AOX1: variants seen among roughly 807,000 people sequenced by gnomAD.
AOX1 encodes the protein aldehyde oxidase 1, also known as aldehyde oxidase.
In AOX1, 153 loss-of-function variants were observed where a neutral mutation model predicts 169.5. The ratio of observed to expected loss-of-function variants is 0.90; its 90% CI spans 0.79 to 1.03. AOX1 has a LOEUF of 1.03. Among genes scored for constraint, AOX1 ranks in the 50% least tolerant of loss-of-function variants. The pLI is 0.00. For synonymous variants in AOX1, 562 were observed against 581.9 expected, an observed-to-expected ratio of 0.97 and a Z score of 0.49; for missense variants, 1,656 against 1,663.9, an observed-to-expected ratio of 1.00 and a Z score of 0.08.
chr2:200,597,434 T>G lies in AOX1; in HGVS notation c.238T>G (p.Ser80Ala). ...CAATGCCTGTCTGATTCCCATCTGTTCTCTGTATGGTGCTGCCGTCACCAC... is the reference window on the plus strand; with the variant it reads ...CAATGCCTGTCTGATTCCCATCTGTGCTCTGTATGGTGCTGCCGTCACCAC... ...PANACLIPIC[S>A]LYGAAVTTVE... Residue 80 changes from serine to alanine, a missense_variant, in exon 4 of 35, where the codon TCT (serine) becomes GCT (alanine). By Grantham distance (99) the Ser-to-Ala change is moderately conservative. Transcript: ENST00000374700. 6.2e-7 allele frequency: 1 copy of G among 1,611,280 alleles called. No homozygotes were observed. The highest frequency in any genetic ancestry group is 8.5e-7 in the Non-Finnish European group (1 of 1,178,702).
At chr2:200,600,426 TC>T (rs1271162541) in intron 5 of AOX1, among the ~76,000 whole-genome samples, 1 of 152,098 alleles carries the variant, frequency 6.6e-6, no homozygotes, top group Non-Finnish European at 1.5e-5. Flanking sequence ...GAACTGTCTA[TC>T]CACCCTAGAG....
intron 21 of AOX1, 92 bp downstream of exon 21, chr2:200,635,007 G>A: frequency 1.3e-6 from 2 of 1,509,536 alleles, no homozygotes; most frequent in Non-Finnish European, 1.8e-6. Flanking sequence ...GTATATTTGG[G>A]AATTTGAGGT....
intron 27 of AOX1, among the ~76,000 whole-genome samples, chr2:200,657,964 C>T (rs184709761): frequency 6.6e-6 from 1 of 152,272 alleles, no homozygotes; most frequent in East Asian, 1.9e-4. Context: ...CTTTATATAG[C>T]GTGAACACTT....
At position 200,659,786 on chromosome 2, in the gene AOX1, TCACACACACACA is replaced by T. The variant is rs56916091; in HGVS notation, c.3301-181_3301-170del. On this transcript the variant is annotated intron_variant, in intron 28 of 34. Coordinates refer to ENST00000374700, the MANE Select transcript of AOX1 (RefSeq NM_001159.4). Reference sequence around the variant, plus strand: ...TGGCTTACAAGGCCAGTTCTCTCTCTCACACACACACACACACACACACACACACACACACAC... The same window carrying T: ...TGGCTTACAAGGCCAGTTCTCTCTCTCACACACACACACACACACACACAC... Among the ~76,000 whole-genome samples the T allele has an allele frequency of 9.4e-5, 9 of 96,102 alleles. No homozygotes were observed. The South Asian group carries it at 1.0e-3, about 11-fold the overall frequency. 63.0% of individuals were successfully genotyped at this position (96,102 alleles called of 152,430 possible).
At chr2:200,636,340 G>T (rs534608444) in intron 21 of AOX1, among the ~76,000 whole-genome samples, 2 of 152,044 alleles carry the variant, frequency 1.3e-5, no homozygotes, top group Non-Finnish European at 2.9e-5. Flanking sequence ...TGTTGGCCAG[G>T]CTGGTCTCGA....
chr2:200,636,846 T>C, intron 21 of AOX1, 65 bp from the exon 22 acceptor site: 1 of 1,551,996 alleles, frequency 6.4e-7, no homozygotes. Flanking sequence ...GATGTGACAA[T>C]GACAGTCACA....
chr2:200,599,165 TTTTA>T (rs1215575077), intron 4 of AOX1, among the ~76,000 whole-genome samples: 2 of 152,182 alleles, frequency 1.3e-5, no homozygotes, highest in Non-Finnish European at 2.9e-5. Context: ...GCATTTTATT[TTTTA>T]TTTATTTTTT....
At chr2:200,657,387 G>A (rs928591384) in intron 27 of AOX1, among the ~76,000 whole-genome samples, 1 of 151,318 alleles carries the variant, frequency 6.6e-6, no homozygotes, top group South Asian at 2.1e-4. Flanking sequence ...ACAAAGGATA[G>A]GAGATTTGAG....
intron 32 of AOX1, among the ~76,000 whole-genome samples, chr2:200,667,172 G>A (rs182126310): frequency 2.8e-4 from 42 of 152,220 alleles, no homozygotes; most frequent in Admixed American, 2.7e-3. Flanking sequence ...CTGTAGTGCT[G>A]GATTCCACCC....
At chr2:200,681,132 G>A (rs1322323055), downstream of AOX1, among the ~76,000 whole-genome samples, 1 of 152,204 alleles carries the variant, frequency 6.6e-6, no homozygotes, top group Non-Finnish European at 1.5e-5. Context: ...TGCCCTTGAA[G>A]TGATGCACTA....
At position 200,667,762 on chromosome 2, in the gene AOX1, T is replaced by C. The variant is rs374515178; in HGVS notation, c.3610-853T>C. On this transcript the variant is annotated intron_variant, in intron 32 of 34. Transcript: ENST00000374700. Reference sequence around the variant, plus strand: ...AGGGCTGGGGACTGCCAGGGGTGGGTGGAGGGCTTTTAGAGACAAGACTTC... The same window carrying C: ...AGGGCTGGGGACTGCCAGGGGTGGGCGGAGGGCTTTTAGAGACAAGACTTC... Among the ~76,000 whole-genome samples the C allele has an allele frequency of 5.2e-4, 77 of 148,974 alleles. 1 individual carries two copies. Among genetic ancestry groups the C allele is most frequent in the African/African-American group, 1.9e-3 (75 of 40,274 alleles).
intron 26 of AOX1, among the ~76,000 whole-genome samples, chr2:200,655,844 G>T (rs185838694): frequency 1.1e-3 from 171 of 152,286 alleles, no homozygotes; most frequent in Admixed American, 3.2e-3. Context: ...TTTTTCTTGG[G>T]TTTATCTGGT....
chr2:200,618,303 A>C (rs1046166800), intron 16 of AOX1, among the ~76,000 whole-genome samples: 2 of 152,248 alleles, frequency 1.3e-5, no homozygotes, highest in Non-Finnish European at 2.9e-5. Context: ...TACAAAACTG[A>C]AGTTTACATT....
Position 200,640,965 on chromosome 2 carries a change from T to C in AOX1, c.2569-133T>C, listed in dbSNP as rs150580089. 1.5e-3 allele frequency: 920 copies of C among 623,584 alleles called. 6 individuals are homozygous for C. The African/African-American group carries it at 0.016, about 11-fold the overall frequency. 38.6% of individuals were successfully genotyped at this position (623,584 alleles called of 1,614,324 possible). A position where few individuals can be genotyped will look rare whatever the true frequency, so the allele number is the denominator to read the frequency against. ...TTGCCTAAGATCACAGAGCTAGTTA[T>C]ATACTATCCGAGAAATCACTGCCAA... On this transcript the variant is annotated intron_variant, in intron 23 of 34. Transcript: ENST00000374700.
rs1471177905 is a variant in AOX1, at chr2:200,664,096, G to A, written c.3543+1127G>A. ...TAGCAGCCCTACACTACTAGGGAGC[G>A]GGTTCTTGCATAGAACTGATTTCTG... On this transcript the variant is annotated intron_variant, in intron 31 of 34. Coordinates refer to ENST00000374700, the MANE Select transcript of AOX1 (RefSeq NM_001159.4). 2.0e-5 allele frequency among the ~76,000 whole-genome samples: 3 copies of A among 149,470 alleles called. No homozygotes were observed. The Admixed American group carries it at 2.0e-4, about 10-fold the overall frequency.
At chr2:200,660,763 G>A (rs1450380317) in intron 29 of AOX1, among the ~76,000 whole-genome samples, 1 of 152,136 alleles carries the variant, frequency 6.6e-6, no homozygotes, top group East Asian at 1.9e-4. Flanking sequence ...AACATTTGAG[G>A]ATCCCACTTA....
intron 2 of AOX1, among the ~76,000 whole-genome samples, chr2:200,594,346 A>C (rs1222585759): frequency 2.0e-5 from 3 of 152,178 alleles, no homozygotes; most frequent in Admixed American, 6.5e-5. Flanking sequence ...AAAGTACAGC[A>C]ACAGGGTCCC....
chr2:200,606,644 C>T (rs968948781), intron 10 of AOX1, among the ~76,000 whole-genome samples: 3 of 152,086 alleles, frequency 2.0e-5, no homozygotes, highest in African/African-American at 7.2e-5. Flanking sequence ...TGTTTGTGTC[C>T]TCTCTTATTT....
intron 16 of AOX1, among the ~76,000 whole-genome samples, chr2:200,617,681 A>G (rs900532559): frequency 2.0e-5 from 3 of 149,234 alleles, no homozygotes; most frequent in Admixed American, 6.7e-5. Context: ...ACAGATACCT[A>G]TGAATGTCTT....
Sources: allele counts gnomAD v4.1 joint callset (sites outside exome capture counted in the v4.1 genomes callset), GRCh38; gene constraint gnomAD v4.1.1; transcripts MANE v1.5; gene names NCBI Gene and HGNC (gene_info 2026-07-23, HGNC 2026-07-21).